RNF180: variants seen among roughly 807,000 people sequenced by gnomAD.
The protein encoded by RNF180 is ring finger protein 180.
Under a neutral mutation model 59.2 loss-of-function variants are expected in RNF180, and 38 were observed. The ratio of observed to expected loss-of-function variants is 0.64; its 90% CI spans 0.50 to 0.84. RNF180 has a LOEUF of 0.84. Ranked by LOEUF, RNF180 falls within the 40% of genes least tolerant of loss-of-function variation. RNF180 has a pLI of 0.00. For synonymous variants in RNF180, 262 were observed against 240.3 expected (o/e 1.09, Z -0.84); for missense variants, 705 against 700.9 (o/e 1.01, Z -0.07).
At chr5:64,314,024 T>G (rs1219694765) in intron 5 of RNF180, among the ~76,000 whole-genome samples, 1 of 152,166 alleles carries the variant, frequency 6.6e-6, no homozygotes, top group East Asian at 1.9e-4. Flanking sequence ...TTGACTTAAG[T>G]TCCTTATAGA....
At chr5:64,313,310 C>A (rs994675606) in intron 5 of RNF180, among the ~76,000 whole-genome samples, 1 of 152,040 alleles carries the variant, frequency 6.6e-6, no homozygotes, top group African/African-American at 2.4e-5. Context: ...CTTCCTCTCT[C>A]CCTTTACCCA....
chr5:64,264,000 T>A (rs1377502539), intron 5 of RNF180, among the ~76,000 whole-genome samples: 1 of 152,160 alleles, frequency 6.6e-6, no homozygotes, highest in Non-Finnish European at 1.5e-5. Context: ...TCTACTGGCC[T>A]TTTACCTAGT....
intron 7 of RNF180, among the ~76,000 whole-genome samples, chr5:64,353,701 A>C (rs1745906019): frequency 6.6e-6 from 1 of 151,858 alleles, no homozygotes; most frequent in Admixed American, 6.6e-5. Flanking sequence ...AAGTCATGCA[A>C]GTTAAAAAGA....
chr5:64,276,639 G>C (rs1421339137), intron 5 of RNF180, among the ~76,000 whole-genome samples: 1 of 151,690 alleles, frequency 6.6e-6, no homozygotes, highest in African/African-American at 2.4e-5. Flanking sequence ...AGCTCAATGG[G>C]ATTTCTCACC....
chr5:64,338,743 G>A (rs1397530320), intron 7 of RNF180, among the ~76,000 whole-genome samples: 1 of 151,800 alleles, frequency 6.6e-6, no homozygotes, highest in Admixed American at 6.6e-5. Context: ...TCTCTCATCT[G>A]TTCCTAATTT....
chr5:64,270,214 A>G (rs1278597859), intron 5 of RNF180, among the ~76,000 whole-genome samples: 1 of 152,092 alleles, frequency 6.6e-6, no homozygotes, highest in Non-Finnish European at 1.5e-5. Context: ...GTAATTGATA[A>G]CTAGCGCCAC....
chr5:64,360,252 T>C (rs1746196454), intron 7 of RNF180, among the ~76,000 whole-genome samples: 1 of 151,874 alleles, frequency 6.6e-6, no homozygotes, highest in South Asian at 2.1e-4. Flanking sequence ...CAATATTGAT[T>C]CTTCAATATA....
rs1477939554 is a variant in RNF180 at position 64,255,932 on chromosome 5, G to C, written c.1227+38536G>C. 3.3e-5 allele frequency among the ~76,000 whole-genome samples: 5 copies of C among 152,144 alleles called. No homozygotes were observed. In the South Asian group the frequency reaches 1.0e-3, roughly 32 times the overall value. The stretch of plus-strand genomic sequence containing the variant: ...TGGTATCTCATTGTGGTTTTGATTT[G>C]CATTTCTCTGATGGCCAGTGATGAT... On this transcript the variant is annotated intron_variant, in intron 5 of 7. Transcript: ENST00000389100.
At chr5:64,174,817 C>CT (rs1750139733) in intron 1 of RNF180, among the ~76,000 whole-genome samples, 1 of 152,066 alleles carries the variant, frequency 6.6e-6, no homozygotes, top group Non-Finnish European at 1.5e-5. Flanking sequence ...TCCTGCTTGT[C>CT]TATTTTTGTT....
At chr5:64,176,153 T>A (rs950960949) in intron 1 of RNF180, among the ~76,000 whole-genome samples, 3 of 152,194 alleles carry the variant, frequency 2.0e-5, no homozygotes, top group African/African-American at 4.8e-5. Flanking sequence ...TCTCCTCATT[T>A]ATTATTGGTC....
At chr5:64,264,946 T>C (rs1011593657) in intron 5 of RNF180, among the ~76,000 whole-genome samples, 3 of 152,330 alleles carry the variant, frequency 2.0e-5, no homozygotes, top group Non-Finnish European at 4.4e-5. Context: ...GGTATCTCAT[T>C]GTGGTTTTGA....
intron 1 of RNF180, among the ~76,000 whole-genome samples, chr5:64,186,834 G>T (rs377044784): frequency 6.6e-6 from 1 of 152,024 alleles, no homozygotes; most frequent in Admixed American, 6.6e-5. Context: ...TGTAAATACC[G>T]ACATGCACAC....
intron 5 of RNF180, among the ~76,000 whole-genome samples, chr5:64,265,790 A>G (rs563968257): frequency 1.3e-5 from 2 of 152,146 alleles, no homozygotes; most frequent in South Asian, 4.1e-4. Flanking sequence ...TGGGAATAGC[A>G]TTGAATCTAA....
At chr5:64,300,141 AG>A (rs1743085586) in intron 5 of RNF180, among the ~76,000 whole-genome samples, 1 of 151,814 alleles carries the variant, frequency 6.6e-6, no homozygotes, top group African/African-American at 2.4e-5. Flanking sequence ...GAAGCCATAA[AG>A]TGCTTCTTTT....
At chr5:64,336,981 TTTGA>T (rs750457853) in intron 7 of RNF180, among the ~76,000 whole-genome samples, 14 of 139,282 alleles carry the variant, frequency 1.0e-4, no homozygotes, top group Non-Finnish European at 1.6e-4. Flanking sequence ...AGGTTTTCAC[TTTGA>T]TTTTCTTTTT....
chr5:64,349,151 G>T (rs1038600132), intron 7 of RNF180, among the ~76,000 whole-genome samples: 2 of 152,040 alleles, frequency 1.3e-5, no homozygotes, highest in African/African-American at 4.8e-5. Context: ...ATAACCAGAA[G>T]TAAATCCTCC....
rs1312054403 is a variant in RNF180 at position 64,370,673 on chromosome 5, TAGAA to T, written c.*865_*868del. On this transcript the variant is annotated 3_prime_UTR_variant, in exon 8 of 8. Coordinates refer to ENST00000389100, the MANE Select transcript of RNF180 (RefSeq NM_001113561.2). Reference sequence around the variant, plus strand: ...TTGTTATAAATAGGCTTATCGATTTTAGAAAGAAAACCTGACATTTTTAATTACA... The same window carrying T: ...TTGTTATAAATAGGCTTATCGATTTTAGAAAACCTGACATTTTTAATTACA... The T allele has an allele frequency of 6.6e-6, 1 of 151,682 alleles. No homozygotes were observed. 9.4% of individuals were successfully genotyped at this position (151,682 alleles called of 1,614,324 possible). A position where few individuals can be genotyped will look rare whatever the true frequency, so the allele number is the denominator to read the frequency against.
chr5:64,186,342 A>C (rs935037731), intron 1 of RNF180, among the ~76,000 whole-genome samples: 1 of 152,186 alleles, frequency 6.6e-6, no homozygotes, highest in African/African-American at 2.4e-5. Flanking sequence ...TGTCATATTA[A>C]TATATTTAAC....
rs562407483 is a variant in RNF180 at position 64,240,853 on chromosome 5, A to G, written c.1227+23457A>G. On this transcript the variant is annotated intron_variant, in intron 5 of 7. Transcript: ENST00000389100. Reference sequence around the variant, plus strand: ...ACTACCCTTTCTGAAGTAGTGACCTACCTACCTTACATCTACATTCTTAAT... The same window carrying G: ...ACTACCCTTTCTGAAGTAGTGACCTGCCTACCTTACATCTACATTCTTAAT... Among the ~76,000 whole-genome samples, 14 of 152,326 alleles carry G rather than the reference A, an allele frequency of 9.2e-5. No individual in the cohort carries two copies. In the Middle Eastern group the frequency reaches 0.014, roughly 148 times the overall value.
Sources: allele counts gnomAD v4.1 joint callset (sites outside exome capture counted in the v4.1 genomes callset), GRCh38; gene constraint gnomAD v4.1.1; transcripts MANE v1.5; gene names NCBI Gene and HGNC (gene_info 2026-07-23, HGNC 2026-07-21).